Variants in ANKS1B observed in about 807,000 individuals in gnomAD.
The protein encoded by ANKS1B is ankyrin repeat and sterile alpha motif domain containing 1B.
ANKS1B carries 36 observed loss-of-function variants against 148.3 expected under a neutral mutation model. That is an observed-to-expected ratio of 0.24 (90% CI 0.19 to 0.32). The LOEUF (loss-of-function observed/expected upper bound fraction) is 0.32. Ranked by LOEUF, ANKS1B falls within the 10% of genes least tolerant of loss-of-function variation. ANKS1B has a pLI of 1.00. For synonymous variants in ANKS1B, 542 were observed against 560.8 expected (o/e 0.97, Z 0.47); for missense variants, 1,157 against 1,542.6 (o/e 0.75, Z 4.19).
intron 12 of ANKS1B, among the ~76,000 whole-genome samples, chr12:99,263,202 C>T (rs2076102622): frequency 6.6e-6 from 1 of 151,968 alleles, no homozygotes; most frequent in Admixed American, 6.6e-5. Flanking sequence ...TACCCATGCT[C>T]CTTACTGTTA....
At chr12:98,907,999 C>T (rs2099781736) in intron 17 of ANKS1B, among the ~76,000 whole-genome samples, 1 of 152,084 alleles carries the variant, frequency 6.6e-6, no homozygotes. Context: ...TATAAATTAC[C>T]CGGTCTCAGG....
chr12:99,878,951 T>C (rs996729982), intron 1 of ANKS1B, among the ~76,000 whole-genome samples: 2 of 152,200 alleles, frequency 1.3e-5, no homozygotes, highest in Non-Finnish European at 2.9e-5. Flanking sequence ...TTGTTATTGT[T>C]ATTGTTTATT....
At chr12:99,183,371 C>A (rs117044185) in intron 14 of ANKS1B, among the ~76,000 whole-genome samples, 1 of 152,176 alleles carries the variant, frequency 6.6e-6, no homozygotes, top group African/African-American at 2.4e-5. Flanking sequence ...GTCTTAGGTG[C>A]AGTGGCTCAT....
intron 1 of ANKS1B, among the ~76,000 whole-genome samples, chr12:99,828,393 GCCTACAA>G (rs2083469533): frequency 6.6e-6 from 1 of 152,054 alleles, no homozygotes; most frequent in Non-Finnish European, 1.5e-5. Context: ...CCATTCAAAG[GCCTACAA>G]CCAACAAGTC....
chr12:99,774,536 T>C (rs1450140125), intron 7 of ANKS1B, among the ~76,000 whole-genome samples: 1 of 152,072 alleles, frequency 6.6e-6, no homozygotes, highest in South Asian at 2.1e-4. Context: ...TCCATGGGAA[T>C]GTAAAATGTT....
chr12:99,915,645 G>T (rs1037607938), intron 1 of ANKS1B, among the ~76,000 whole-genome samples: 7 of 152,168 alleles, frequency 4.6e-5, no homozygotes, highest in African/African-American at 1.7e-4. Context: ...ACCTGCAGGG[G>T]TCTGTGGCAA....
At chr12:98,770,997 T>C (rs1387410850) in intron 25 of ANKS1B, among the ~76,000 whole-genome samples, 2 of 152,248 alleles carry the variant, frequency 1.3e-5, no homozygotes, top group Non-Finnish European at 2.9e-5. Flanking sequence ...ATATCAGAGA[T>C]ATCCTCAAGC....
intron 12 of ANKS1B, among the ~76,000 whole-genome samples, chr12:99,265,767 C>A (rs948875479): frequency 6.6e-6 from 1 of 152,124 alleles, no homozygotes. Flanking sequence ...GTGGGACTGG[C>A]AGGATCCAAT....
intron 12 of ANKS1B, among the ~76,000 whole-genome samples, chr12:99,250,267 G>C (rs887446055): frequency 2.6e-5 from 4 of 152,172 alleles, no homozygotes; most frequent in African/African-American, 9.7e-5. Context: ...TAGAGAGTGA[G>C]AGCCAGATGA....
chr12:99,432,862 T>C (rs577232664), intron 11 of ANKS1B, among the ~76,000 whole-genome samples: 1 of 152,138 alleles, frequency 6.6e-6, no homozygotes, highest in African/African-American at 2.4e-5. Flanking sequence ...CTAGTGTAAA[T>C]TAAACAACGT....
chr12:98,800,587 T>A (rs900910711), intron 21 of ANKS1B, among the ~76,000 whole-genome samples: 7 of 151,314 alleles, frequency 4.6e-5, no homozygotes, highest in Non-Finnish European at 7.4e-5. Context: ...AATAGTATAA[T>A]CCTATTGATG....
intron 17 of ANKS1B, among the ~76,000 whole-genome samples, chr12:98,957,592 T>G (rs1382682486): frequency 2.6e-5 from 4 of 152,032 alleles, no homozygotes; most frequent in Non-Finnish European, 4.4e-5. Flanking sequence ...GTGATCCACC[T>G]GCCTGAGCCT....
chr12:99,090,080 G>A (rs748318966), intron 15 of ANKS1B, among the ~76,000 whole-genome samples: 5 of 152,070 alleles, frequency 3.3e-5, no homozygotes, highest in Admixed American at 6.6e-5. Flanking sequence ...CTTTGACCAC[G>A]GGGAGAATAT....
chr12:98,930,368 G>A (rs2099812624), intron 17 of ANKS1B, among the ~76,000 whole-genome samples: 2 of 152,274 alleles, frequency 1.3e-5, no homozygotes, highest in East Asian at 1.9e-4. Flanking sequence ...TTGGAAAACA[G>A]TTCAGCAGTT....
At chr12:99,034,797 T>C (rs1257934158) in intron 17 of ANKS1B, among the ~76,000 whole-genome samples, 1 of 152,216 alleles carries the variant, frequency 6.6e-6, no homozygotes, top group Non-Finnish European at 1.5e-5. Flanking sequence ...TTTTTGAACA[T>C]CTTCTATGTG....
intron 17 of ANKS1B, among the ~76,000 whole-genome samples, chr12:98,872,259 C>A (rs2152398726): frequency 6.6e-6 from 1 of 152,178 alleles, no homozygotes; most frequent in East Asian, 1.9e-4. Context: ...TAATTAATGG[C>A]TGGGCATGGT....
At position 99,402,248 on chromosome 12, in the gene ANKS1B, A is replaced by G. The variant is rs371360870; in HGVS notation, c.1576-2437T>C. 1.4e-4 allele frequency among the ~76,000 whole-genome samples: 21 copies of G among 146,360 alleles called. 3 individuals carry two copies. The highest frequency in any genetic ancestry group is 5.4e-4 in the African/African-American group (21 of 38,646). On this transcript the variant is annotated intron_variant, in intron 11 of 26. Transcript: ENST00000683438. ...CCCTCTCTTACTCTCCTAATGATGT[A>G]GTTGAAAGATGAAGGAAAGTCATGA... is the stretch of plus-strand genomic sequence containing the variant.
At chr12:99,621,468 A>G (rs2098049195) in intron 9 of ANKS1B, among the ~76,000 whole-genome samples, 3 of 151,772 alleles carry the variant, frequency 2.0e-5, no homozygotes, top group African/African-American at 7.2e-5. Context: ...TTGGAAAAAA[A>G]AAAAAAAAAC....
At chr12:99,101,920 G>C (rs1224507278) in intron 15 of ANKS1B, among the ~76,000 whole-genome samples, 1 of 152,152 alleles carries the variant, frequency 6.6e-6, no homozygotes, top group African/African-American at 2.4e-5. Context: ...GGAAGGAGGG[G>C]ATGTTAGCAG....
Sources: allele counts gnomAD v4.1 joint callset (sites outside exome capture counted in the v4.1 genomes callset), GRCh38; gene constraint gnomAD v4.1.1; transcripts MANE v1.5; gene names NCBI Gene and HGNC (gene_info 2026-07-23, HGNC 2026-07-21).